The following PTPRK variants were observed in gnomAD, a reference collection of about 807,000 sequenced individuals.
The protein encoded by PTPRK is receptor-type tyrosine-protein phosphatase kappa.
PTPRK carries 75 observed loss-of-function variants against 178.0 expected under a neutral mutation model. That is an observed-to-expected ratio of 0.42 (90% CI 0.35 to 0.51). PTPRK has a LOEUF of 0.51. Ranked by LOEUF, PTPRK falls within the 20% of genes least tolerant of loss-of-function variation. The pLI, the probability that PTPRK is intolerant of heterozygous loss-of-function variation, is 0.02. For synonymous variants in PTPRK, 637 were observed against 620.6 expected, an observed-to-expected ratio of 1.03 and a Z score of -0.39; for missense variants, 1,441 against 1,797.8, an observed-to-expected ratio of 0.80 and a Z score of 3.59.
chr6:128,001,144 G>C (rs1292619981), intron 15 of PTPRK: 2 of 1,374,872 alleles, frequency 1.5e-6, no homozygotes, highest in Non-Finnish European at 2.0e-6. Flanking sequence ...ATAATAACTT[G>C]AAATATATCC....
At chr6:128,496,949 T>C (rs897689705) in intron 1 of PTPRK, among the ~76,000 whole-genome samples, 2 of 152,234 alleles carry the variant, frequency 1.3e-5, no homozygotes, top group South Asian at 4.1e-4. Context: ...GCCAAGTTGT[T>C]CTGGAATCAG....
chr6:128,332,036 A>C (rs1411983409), intron 2 of PTPRK, among the ~76,000 whole-genome samples: 2 of 152,212 alleles, frequency 1.3e-5, no homozygotes, highest in Non-Finnish European at 2.9e-5. Flanking sequence ...TTTCAGTAGA[A>C]AGTAGCAAAT....
At position 128,047,568 on chromosome 6, in the gene PTPRK, T is replaced by C. The variant is rs566393180; in HGVS notation, c.2194+17190A>G. On this transcript the variant is annotated intron_variant, in intron 13 of 29. Transcript: ENST00000368226. Reference sequence around the variant, plus strand: ...AAGATAAGTTCCACCAAAGTACCTATGGCAAGGCAGTCAAAGTGTTTTCTG... The same window carrying C: ...AAGATAAGTTCCACCAAAGTACCTACGGCAAGGCAGTCAAAGTGTTTTCTG... 7.9e-5 allele frequency among the ~76,000 whole-genome samples: 12 copies of C among 152,278 alleles called. No homozygotes were observed. The East Asian group carries it at 2.1e-3, about 27-fold the overall frequency.
At chr6:128,453,966 C>T (rs1848099641) in intron 1 of PTPRK, among the ~76,000 whole-genome samples, 1 of 152,122 alleles carries the variant, frequency 6.6e-6, no homozygotes, top group Non-Finnish European at 1.5e-5. Flanking sequence ...TAATTCCAGA[C>T]ACTCTATGGA....
rs74860184 is a variant in PTPRK, at chr6:128,509,219, G to A, written c.100+11040C>T. Reference sequence around the variant, plus strand: ...TCCATACGAGTTTCAGACGTCTACCGGGCACCTTGGAATGTATCCCCCAGA... The same window carrying A: ...TCCATACGAGTTTCAGACGTCTACCAGGCACCTTGGAATGTATCCCCCAGA... On this transcript the variant is annotated intron_variant, in intron 1 of 29. Transcript: ENST00000368226. Among the ~76,000 whole-genome samples, 45 of 152,154 alleles carry A rather than the reference G, an allele frequency of 3.0e-4. 4 individuals carry two copies. The East Asian group carries it at 7.9e-3, about 27-fold the overall frequency.
chr6:128,089,436 G>A (rs1562563593), intron 8 of PTPRK, among the ~76,000 whole-genome samples: 3 of 152,164 alleles, frequency 2.0e-5, no homozygotes, highest in African/African-American at 7.2e-5. Flanking sequence ...CTTCATTTAA[G>A]TTTTTAGTGT....
At chr6:128,493,591 TACACACACACACACACACACACAC>T (rs59656384) in intron 1 of PTPRK, among the ~76,000 whole-genome samples, 15,419 of 124,028 alleles carry the variant, frequency 0.12, 1,205 homozygotes, top group Non-Finnish European at 0.18. Context: ...TCCCGCCCCC[TACACACACACACACACACACACAC>T]ACACACACAC....
intron 1 of PTPRK, among the ~76,000 whole-genome samples, chr6:128,482,376 T>A (rs191414757): frequency 1.3e-5 from 2 of 152,272 alleles, no homozygotes; most frequent in Admixed American, 6.5e-5. Flanking sequence ...TACTCTGAAA[T>A]GGGAGCGGCC....
At chr6:128,076,536 C>CA (rs1206853981) in intron 11 of PTPRK, among the ~76,000 whole-genome samples, 5 of 151,578 alleles carry the variant, frequency 3.3e-5, no homozygotes, top group East Asian at 1.9e-4. Context: ...ACATTCACTT[C>CA]AAAAAAAATC....
chr6:128,148,647 A>C (rs1796833174), intron 7 of PTPRK, among the ~76,000 whole-genome samples: 1 of 152,146 alleles, frequency 6.6e-6, no homozygotes, highest in Non-Finnish European at 1.5e-5. Flanking sequence ...TTACAGATAT[A>C]CTATTAGCAT....
intron 13 of PTPRK, among the ~76,000 whole-genome samples, chr6:128,034,973 A>G (rs78468596): frequency 0.031 from 4,660 of 152,290 alleles, 256 homozygotes; most frequent in African/African-American, 0.11. Context: ...AAAATTTGCA[A>G]ACTACTTAGT....
intron 1 of PTPRK, among the ~76,000 whole-genome samples, chr6:128,435,106 A>AAGGCAGGAAGGC (rs1352612094): frequency 7.7e-5 from 5 of 64,672 alleles, no homozygotes; most frequent in Non-Finnish European, 1.2e-4. Flanking sequence ...GGAAGGAAGG[A>AAGGCAGGAAGGC]AGGCAGGAAG....
intron 7 of PTPRK, among the ~76,000 whole-genome samples, chr6:128,102,978 T>C (rs1448390366): frequency 2.6e-5 from 4 of 152,154 alleles, no homozygotes; most frequent in Admixed American, 2.6e-4. Flanking sequence ...CACGTGGCCC[T>C]AAATGGAAAC....
chr6:128,071,755 C>T (rs1425570376), intron 11 of PTPRK, among the ~76,000 whole-genome samples: 1 of 151,840 alleles, frequency 6.6e-6, no homozygotes, highest in Non-Finnish European at 1.5e-5. Context: ...GAAGTATTTA[C>T]ATTTAGTGAA....
intron 7 of PTPRK, among the ~76,000 whole-genome samples, chr6:128,105,136 T>C (rs528227054): frequency 1.5e-4 from 23 of 151,920 alleles, no homozygotes; most frequent in African/African-American, 5.1e-4. Flanking sequence ...ATTTCTTTTT[T>C]TTTTTTTTTT....
chr6:128,438,276 G>C (rs1036205319), intron 1 of PTPRK, among the ~76,000 whole-genome samples: 2 of 152,328 alleles, frequency 1.3e-5, no homozygotes, highest in East Asian at 3.9e-4. Flanking sequence ...AAAATTCTGC[G>C]TGCCACTTTT....
chr6:128,080,699 T>A (rs1290257989), intron 10 of PTPRK, among the ~76,000 whole-genome samples: 5 of 152,038 alleles, frequency 3.3e-5, no homozygotes, highest in Admixed American at 3.3e-4. Context: ...TTATTTAAAT[T>A]ATTTTTTTAA....
intron 1 of PTPRK, among the ~76,000 whole-genome samples, chr6:128,408,356 C>G (rs1298242955): frequency 6.6e-6 from 1 of 152,072 alleles, no homozygotes; most frequent in East Asian, 1.9e-4. Flanking sequence ...CCATTGCACT[C>G]CAGCCTGAGC....
rs1858908054 is a variant in PTPRK at position 128,520,566 on chromosome 6, C to A, written c.-208G>T. On this transcript the variant is annotated 5_prime_UTR_variant, in exon 1 of 30. Transcript: ENST00000368226. ...CGTCGCCGGCCGGCCGCGGCGGCAG[C>A]TCTCCATGCTCGGCGGAGGCTGCTC... 3.6e-6 allele frequency: 2 copies of A among 562,876 alleles called. No individual in the cohort carries two copies. The highest frequency in any genetic ancestry group is 6.4e-6 in the Non-Finnish European group (2 of 311,472). The allele number at this position is 562,876 out of a possible 1,614,324, so 34.9% of individuals were successfully genotyped here.
Sources: gnomAD v4.1 joint callset for allele counts (sites outside exome capture counted in the v4.1 genomes callset) on GRCh38, gnomAD v4.1.1 for gene constraint, MANE v1.5 for transcripts, NCBI Gene and HGNC (gene_info 2026-07-23, HGNC 2026-07-21) for gene names.